The following ADGRD1 variants were observed in gnomAD, a reference collection of about 807,000 sequenced individuals.
The protein encoded by ADGRD1 is G-protein coupled receptor 133.
In ADGRD1, 77 loss-of-function variants were observed where a neutral mutation model predicts 113.4. The observed-to-expected ratio is 0.68, with a 90% CI of 0.57 to 0.82. The LOEUF is 0.82. Ranked by LOEUF, ADGRD1 falls within the 40% of genes least tolerant of loss-of-function variation. The pLI, the probability that ADGRD1 is intolerant of heterozygous loss-of-function variation, is 0.00. For synonymous variants in ADGRD1, 474 were observed against 475.0 expected, an observed-to-expected ratio of 1.00 and a Z score of 0.03; for missense variants, 1,036 against 1,139.1, an observed-to-expected ratio of 0.91 and a Z score of 1.30.
chr12:130,984,842 T>C lies in ADGRD1; in HGVS notation c.491-2253T>C, dbSNP rs569561094. ...CTCCCTTCCTTCCTTCCTTCTTGCCTTCCATCCTCCCTTGCTCCCTTCCTT... is the reference window on the plus strand; with the variant it reads ...CTCCCTTCCTTCCTTCCTTCTTGCCCTCCATCCTCCCTTGCTCCCTTCCTT... On this transcript the variant is annotated intron_variant, in intron 5 of 24. Coordinates refer to ENST00000261654, the MANE Select transcript of ADGRD1 (RefSeq NM_198827.5). The surrounding 1 kb of genome is among the most constrained non-coding windows in gnomAD (Gnocchi z 4.1). Among the ~76,000 whole-genome samples, 1 of 144,290 alleles carries C rather than the reference T, an allele frequency of 6.9e-6. No individual in the cohort carries two copies. Among genetic ancestry groups the C allele is most frequent in the South Asian group, 2.6e-4 (1 of 3,834 alleles). 94.7% of individuals were successfully genotyped at this position (144,290 alleles called of 152,430 possible). A position where few individuals can be genotyped will look rare whatever the true frequency, so the allele number is the denominator to read the frequency against.
rs184341151 is a variant in ADGRD1 at position 131,037,110 on chromosome 12, C to T, written c.1473+22770C>T. ...CACTCACTGCACTGGGCCTCACTCA[C>T]GGCACCGGGCCTCACTCACTGCACC... On this transcript the variant is annotated intron_variant, in intron 13 of 24. Transcript: ENST00000261654. Among the ~76,000 whole-genome samples the T allele has an allele frequency of 8.6e-3, 1,244 of 144,716 alleles. 14 individuals carry two copies. Among genetic ancestry groups the T allele is most frequent in the African/African-American group, 0.03 (1,153 of 38,382 alleles). 94.9% of individuals were successfully genotyped at this position (144,716 alleles called of 152,430 possible).
intron 13 of ADGRD1, chr12:131,024,069 A>G (rs1879656774): frequency 6.6e-6 from 1 of 152,268 alleles, no homozygotes. Flanking sequence ...TGAGAGATGA[A>G]TGATGTATCT....
chr12:131,071,411 G>C (rs10848275), intron 13 of ADGRD1, among the ~76,000 whole-genome samples: 1 of 150,484 alleles, frequency 6.6e-6, no homozygotes, highest in Non-Finnish European at 1.5e-5. Flanking sequence ...TGAGTGGGGC[G>C]AGGCCACTGG....
rs1426725802 is a variant in ADGRD1, at chr12:130,984,827, T to C, written c.491-2268T>C. On this transcript the variant is annotated intron_variant, in intron 5 of 24. Coordinates refer to ENST00000261654, the MANE Select transcript of ADGRD1 (RefSeq NM_198827.5). The surrounding 1 kb of genome is among the most constrained non-coding windows in gnomAD (Gnocchi z 4.1). ...TCCCTCCCTTCCTCCCTCCCTTCCT[T>C]CCTTCCTTCTTGCCTTCCATCCTCC... Among the ~76,000 whole-genome samples, 2 of 145,394 alleles carry C rather than the reference T, an allele frequency of 1.4e-5. No homozygotes were observed. Among genetic ancestry groups the C allele is most frequent in the South Asian group, 2.6e-4 (1 of 3,874 alleles).
chr12:131,120,971 G>C, intron 20 of ADGRD1, 58 bp downstream of exon 20: 1 of 1,511,858 alleles, frequency 6.6e-7, no homozygotes, highest in Non-Finnish European at 9.1e-7. Context: ...GGAGGAGAGG[G>C]TGTGGGGCTC....
chr12:131,072,390 G>A (rs1885255574), intron 13 of ADGRD1, among the ~76,000 whole-genome samples: 1 of 152,200 alleles, frequency 6.6e-6, no homozygotes, highest in Admixed American at 6.5e-5. Flanking sequence ...TTCTGAAGTA[G>A]GGGGCATCGG....
chr12:131,135,992 C>T (rs750682467), intron 21 of ADGRD1, 45 bp from the exon 22 acceptor site: 31 of 1,610,776 alleles, frequency 1.9e-5, no homozygotes, highest in Non-Finnish European at 2.5e-5. Flanking sequence ...ACAGCCTGCA[C>T]CTGCCCTCCT....
intron 13 of ADGRD1, among the ~76,000 whole-genome samples, chr12:131,049,992 A>G (rs1883217311): frequency 6.6e-6 from 1 of 152,228 alleles, no homozygotes. Flanking sequence ...CTGGTGGTCC[A>G]GGAAGAGTCC....
At chr12:131,020,366 T>C (rs1732821) in intron 13 of ADGRD1, among the ~76,000 whole-genome samples, 73,287 of 126,250 alleles carry the variant, frequency 0.58, 24,227 homozygotes, top group East Asian at 0.8. Flanking sequence ...AGAGGGTGCT[T>C]CAGGGAGATG....
At chr12:131,034,279 C>G (rs920030191) in intron 13 of ADGRD1, among the ~76,000 whole-genome samples, 1 of 152,238 alleles carries the variant, frequency 6.6e-6, no homozygotes, top group Non-Finnish European at 1.5e-5. Context: ...AAGTGCATTC[C>G]CACCCCAGGG....
chr12:131,127,864 G>T (rs1198316713), intron 20 of ADGRD1, among the ~76,000 whole-genome samples: 2 of 119,874 alleles, frequency 1.7e-5, no homozygotes, highest in Non-Finnish European at 3.4e-5. Flanking sequence ...TGGGGTGTTG[G>T]TTGGGTTGGT....
intron 13 of ADGRD1, among the ~76,000 whole-genome samples, chr12:131,021,264 T>G (rs1394100047): frequency 6.6e-6 from 1 of 152,168 alleles, no homozygotes; most frequent in Non-Finnish European, 1.5e-5. Context: ...ACTTGCAGCT[T>G]TTTTTCAGTC....
chr12:131,097,575 C>T (rs1027231338), intron 15 of ADGRD1, among the ~76,000 whole-genome samples: 28 of 152,342 alleles, frequency 1.8e-4, no homozygotes, highest in African/African-American at 5.8e-4. Flanking sequence ...CAGGGATGGC[C>T]GCCAAACCAG....
intron 8 of ADGRD1, among the ~76,000 whole-genome samples, chr12:130,999,314 T>C (rs1876031269): frequency 6.6e-6 from 1 of 152,258 alleles, no homozygotes; most frequent in Non-Finnish European, 1.5e-5. Context: ...GCGTGACCCA[T>C]GAGGCCTGAC....
At chr12:131,129,157 T>C (rs1950832151) in intron 20 of ADGRD1, among the ~76,000 whole-genome samples, 1 of 134,590 alleles carries the variant, frequency 7.4e-6, no homozygotes, top group Admixed American at 7.5e-5. Context: ...CCCGCCCTGC[T>C]GTCTGAGTGT....
intron 14 of ADGRD1, among the ~76,000 whole-genome samples, chr12:131,083,120 A>C (rs1249524654): frequency 6.6e-6 from 1 of 152,194 alleles, no homozygotes. Context: ...TGCCACATCC[A>C]TGCTGACACC....
At chr12:131,006,127 C>A in intron 12 of ADGRD1, 80 bp downstream of exon 12, 1 of 1,161,170 alleles carries the variant, frequency 8.6e-7, no homozygotes, top group Non-Finnish European at 1.3e-6. Flanking sequence ...ATGCCCGCCC[C>A]ACACGCACAA....
chr12:131,118,428 G>A lies in ADGRD1; in HGVS notation c.2085G>A (p.Met695Ile), dbSNP rs774467834. 1.2e-6 allele frequency: 2 copies of A among 1,611,786 alleles called. No individual in the cohort carries two copies. The highest frequency in any genetic ancestry group is 1.7e-6 in the Non-Finnish European group (2 of 1,179,130). ...LICIISLSFAMDSYGTSNNCW... is the reference protein window; with the variant it reads ...LICIISLSFAIDSYGTSNNCW... Reference sequence around the variant, plus strand: ...GCATCATTTCACTGTCATTTGCCATGGACAGTTACGGAACAAGCAACAAGT... The same window carrying A: ...GCATCATTTCACTGTCATTTGCCATAGACAGTTACGGAACAAGCAACAAGT... Residue 695 changes from methionine to isoleucine, a missense_variant, in exon 19 of 25, where the codon ATG becomes ATA. Transcript: ENST00000261654.
intron 2 of ADGRD1, among the ~76,000 whole-genome samples, chr12:130,963,236 C>T (rs1239451980): frequency 2.1e-5 from 3 of 140,398 alleles, no homozygotes; most frequent in African/African-American, 7.9e-5. Context: ...AGGAGAATGG[C>T]GTGAACCCGG....
Sources: allele counts gnomAD v4.1 joint callset (sites outside exome capture counted in the v4.1 genomes callset), GRCh38; gene constraint gnomAD v4.1.1; non-coding constraint Gnocchi (gnomAD v3.1); transcripts MANE v1.5; gene names NCBI Gene and HGNC (gene_info 2026-07-23, HGNC 2026-07-21).